PSMG2: variants seen among roughly 807,000 people sequenced by gnomAD.
PSMG2 encodes CD40 ligand-activated specific transcript 3.
A neutral mutation model predicts 31.5 loss-of-function variants in PSMG2; 21 were observed. The observed-to-expected ratio is 0.67, with a 90% CI of 0.47 to 0.96. The LOEUF is 0.96. Among genes scored for constraint, PSMG2 ranks in the 40% least tolerant of loss-of-function variants. PSMG2 has a pLI of 0.00. For synonymous variants in PSMG2, 120 were observed against 110.4 expected (o/e 1.09, Z -0.54); for missense variants, 318 against 321.2 (o/e 0.99, Z 0.08).
chr18:12,692,753 G>A (rs2039813371), intron 1 of PSMG2, among the ~76,000 whole-genome samples: 1 of 152,144 alleles, frequency 6.6e-6, no homozygotes, highest in African/African-American at 2.4e-5. Flanking sequence ...CCTATACACA[G>A]CTACATCTCC....
At chr18:12,674,522 A>C in intron 1 of PSMG2, 1 of 1,599,592 alleles carries the variant, frequency 6.3e-7, no homozygotes, top group Non-Finnish European at 8.6e-7. Flanking sequence ...ATGATTCCGT[A>C]AATTACACCT....
intron 1 of PSMG2, among the ~76,000 whole-genome samples, chr18:12,687,547 G>A (rs1279203974): frequency 6.6e-6 from 1 of 151,388 alleles, no homozygotes; most frequent in Non-Finnish European, 1.5e-5. Flanking sequence ...TCCGCCCATG[G>A]GTTCAAGCGA....
chr18:12,675,700 A>G lies in PSMG2; in HGVS notation c.-37+16927A>G, dbSNP rs569812630. ...TTTAAATTTTTTGAGACAGAGTCTTACTCTGTTGCCCAGGCTGGAATGCAG... is the reference window on the plus strand; with the variant it reads ...TTTAAATTTTTTGAGACAGAGTCTTGCTCTGTTGCCCAGGCTGGAATGCAG... On this transcript the variant is annotated intron_variant, in intron 1 of 6. Transcript: ENST00000585331. 4.0e-4 allele frequency among the ~76,000 whole-genome samples: 61 copies of G among 151,980 alleles called. 1 individual carries two copies. The South Asian group carries it at 5.6e-3, about 14-fold the overall frequency.
At chr18:12,664,310 G>A (rs1428198540) in intron 1 of PSMG2, among the ~76,000 whole-genome samples, 4 of 152,180 alleles carry the variant, frequency 2.6e-5, no homozygotes, top group Admixed American at 2.0e-4. Flanking sequence ...TTGAGAGGCC[G>A]AGAAGGGTGG....
intron 1 of PSMG2, among the ~76,000 whole-genome samples, chr18:12,676,972 G>C (rs1344195636): frequency 1.3e-5 from 2 of 152,120 alleles, no homozygotes; most frequent in Non-Finnish European, 2.9e-5. Context: ...TAGGCATTTT[G>C]GATTCTAGTC....
chr18:12,683,404 G>C (rs1263318965), intron 1 of PSMG2, among the ~76,000 whole-genome samples: 2 of 150,548 alleles, frequency 1.3e-5, no homozygotes, highest in Non-Finnish European at 3.0e-5. Flanking sequence ...AAAAAAAAAA[G>C]AGCCTAACTT....
At chr18:12,720,798 TCAAA>T (rs2040423721) in intron 5 of PSMG2, 115 bp downstream of exon 5, 1 of 1,053,286 alleles carries the variant, frequency 9.5e-7, no homozygotes, top group Admixed American at 3.1e-5. Flanking sequence ...AGACTCTGTC[TCAAA>T]CAAAAAACAA....
upstream of PSMG2, chr18:12,699,866 G>T: frequency 6.3e-7 from 1 of 1,595,806 alleles, no homozygotes; most frequent in Admixed American, 1.7e-5. Context: ...AAACAAATAG[G>T]TTGTTTTGGA....
chr18:12,703,098 C>G lies in PSMG2; in HGVS notation c.-10C>G, dbSNP rs759928842. 6.2e-7 allele frequency: 1 copy of G among 1,611,978 alleles called. No homozygotes were observed. Among genetic ancestry groups the G allele is most frequent in the Non-Finnish European group, 8.5e-7 (1 of 1,179,374 alleles). ...CGCGGTTAGTCCCTGCTGGCCACCCCACTGCGACCATGTTCGTTCCCTGCG... is the reference window on the plus strand; with the variant it reads ...CGCGGTTAGTCCCTGCTGGCCACCCGACTGCGACCATGTTCGTTCCCTGCG... On this transcript the variant is annotated 5_prime_UTR_variant, in exon 1 of 7. Transcript: ENST00000317615.
chr18:12,686,471 A>G, intron 1 of PSMG2: 1 of 1,545,342 alleles, frequency 6.5e-7, no homozygotes, highest in South Asian at 1.1e-5. Context: ...GGGGAAAAAC[A>G]TCTGTAATGA....
intron 1 of PSMG2, among the ~76,000 whole-genome samples, chr18:12,679,660 G>A (rs533055524): frequency 1.3e-5 from 2 of 152,256 alleles, no homozygotes; most frequent in Admixed American, 6.5e-5. Context: ...TTTAAAAAAT[G>A]TGTCCAGTGG....
At chr18:12,695,008 C>T (rs1877221749) in intron 1 of PSMG2, among the ~76,000 whole-genome samples, 1 of 152,170 alleles carries the variant, frequency 6.6e-6, no homozygotes, top group South Asian at 2.1e-4. Flanking sequence ...AGCCACCGGC[C>T]TATCCTGTAA....
At chr18:12,678,267 TC>T in intron 1 of PSMG2, 1 of 1,614,164 alleles carries the variant, frequency 6.2e-7, no homozygotes, top group South Asian at 1.1e-5. Flanking sequence ...CTCATGGGTT[TC>T]CATTTGGATT....
intron 1 of PSMG2, among the ~76,000 whole-genome samples, chr18:12,667,774 A>G (rs910547536): frequency 3.4e-5 from 5 of 148,966 alleles, no homozygotes; most frequent in African/African-American, 1.2e-4. Flanking sequence ...AAAAAAAAAA[A>G]AAAGAAAAGA....
chr18:12,703,489 T>C (rs1040278414), intron 1 of PSMG2, among the ~76,000 whole-genome samples: 1 of 152,246 alleles, frequency 6.6e-6, no homozygotes, highest in Non-Finnish European at 1.5e-5. Context: ...TTTCTACGAC[T>C]AGTTTTAGAA....
chr18:12,695,590 AAG>A (rs1249666160), intron 1 of PSMG2, among the ~76,000 whole-genome samples: 1 of 151,944 alleles, frequency 6.6e-6, no homozygotes, highest in Non-Finnish European at 1.5e-5. Context: ...TTTCTTCTTT[AAG>A]TAGAGATGGG....
chr18:12,684,097 T>C (rs146558066), intron 1 of PSMG2, among the ~76,000 whole-genome samples: 13,545 of 151,670 alleles, frequency 0.089, 842 homozygotes, highest in Non-Finnish European at 0.13. Flanking sequence ...CGATCTCAGC[T>C]CACTGCAACC....
chr18:12,680,621 A>AT (rs749895184), intron 1 of PSMG2: 3 of 1,301,642 alleles, frequency 2.3e-6, no homozygotes. Context: ...AAAAAAACTT[A>AT]TAACTTCATT....
chr18:12,690,220 C>T (rs2039702362), intron 1 of PSMG2, among the ~76,000 whole-genome samples: 1 of 152,234 alleles, frequency 6.6e-6, no homozygotes, highest in Non-Finnish European at 1.5e-5. Context: ...ATTCCCACCT[C>T]TAGTCAACCT....
Sources: allele counts gnomAD v4.1 joint callset (sites outside exome capture counted in the v4.1 genomes callset), GRCh38; gene constraint gnomAD v4.1.1; transcripts MANE v1.5; gene names NCBI Gene and HGNC (gene_info 2026-07-23, HGNC 2026-07-21).